Variants in IQCM observed in about 807,000 individuals in gnomAD.
The protein encoded by IQCM is IQ domain-containing protein M.
In IQCM, 45 loss-of-function variants were observed where a neutral mutation model predicts 57.6. The ratio of observed to expected loss-of-function variants is 0.78; its 90% CI spans 0.62 to 1.00. The LOEUF is 1.00. IQCM is among the 50% of genes least tolerant of loss of function. The pLI is 0.00. For missense variants in IQCM, 468 were observed against 511.6 expected (o/e 0.91, Z 0.82); for synonymous variants, 148 against 158.9 (o/e 0.93, Z 0.51).
At chr4:149,473,140 A>G (rs1040839882) in intron 12 of IQCM, among the ~76,000 whole-genome samples, 3 of 152,244 alleles carry the variant, frequency 2.0e-5, no homozygotes, top group Non-Finnish European at 2.9e-5. Context: ...AATTAAACTC[A>G]AGAGCTTCTG....
chr4:149,506,311 G>T (rs753618368), intron 12 of IQCM, among the ~76,000 whole-genome samples: 7 of 152,150 alleles, frequency 4.6e-5, no homozygotes, highest in Non-Finnish European at 8.8e-5. Flanking sequence ...TATTGCAAAA[G>T]GATTCTTTGA....
At chr4:149,367,943 C>T (rs975547492) in intron 13 of IQCM, among the ~76,000 whole-genome samples, 6 of 151,922 alleles carry the variant, frequency 3.9e-5, no homozygotes, top group Admixed American at 1.3e-4. Context: ...TTTTGTTTTG[C>T]GAATGGTTCC....
intron 2 of IQCM, among the ~76,000 whole-genome samples, chr4:149,814,122 G>T (rs1467433549): frequency 6.6e-6 from 1 of 151,992 alleles, no homozygotes; most frequent in Non-Finnish European, 1.5e-5. Flanking sequence ...ATCAGATGGA[G>T]CCTAGGTCCT....
chr4:149,389,771 T>C (rs2111078862), intron 13 of IQCM, among the ~76,000 whole-genome samples: 1 of 151,350 alleles, frequency 6.6e-6, no homozygotes, highest in East Asian at 2.0e-4. Context: ...GACGAGTTAG[T>C]GGGTGCAGCG....
At chr4:149,504,867 C>G (rs1579291361) in intron 12 of IQCM, among the ~76,000 whole-genome samples, 1 of 151,966 alleles carries the variant, frequency 6.6e-6, no homozygotes, top group African/African-American at 2.4e-5. Context: ...GAGCTGAGAT[C>G]GTGTCAAAGC....
intron 12 of IQCM, among the ~76,000 whole-genome samples, chr4:149,473,173 A>G (rs1485115409): frequency 6.6e-6 from 1 of 152,214 alleles, no homozygotes; most frequent in East Asian, 1.9e-4. Flanking sequence ...AACTACCATC[A>G]GAGTGAACAG....
intron 2 of IQCM, among the ~76,000 whole-genome samples, chr4:149,750,668 C>G (rs1229344398): frequency 6.6e-6 from 1 of 152,170 alleles, no homozygotes; most frequent in South Asian, 2.1e-4. Flanking sequence ...AAAGTACATT[C>G]TCCCAGTTAT....
At chr4:149,726,565 C>A (rs776910125) in intron 5 of IQCM, among the ~76,000 whole-genome samples, 2 of 151,938 alleles carry the variant, frequency 1.3e-5, no homozygotes, top group Non-Finnish European at 2.9e-5. Context: ...TTTTTTTCTA[C>A]CTACATTTAT....
chr4:149,797,809 T>C (rs1333188625), intron 2 of IQCM, among the ~76,000 whole-genome samples: 1 of 152,032 alleles, frequency 6.6e-6, no homozygotes, highest in Non-Finnish European at 1.5e-5. Flanking sequence ...AAAAAAACTT[T>C]TTCTCTAGAA....
intron 12 of IQCM, among the ~76,000 whole-genome samples, chr4:149,538,709 A>G (rs910412229): frequency 5.3e-5 from 8 of 152,110 alleles, no homozygotes; most frequent in African/African-American, 1.4e-4. Context: ...TCATTAAAAT[A>G]CTTGGAAAAA....
chr4:149,450,690 A>G (rs951760953), intron 12 of IQCM, among the ~76,000 whole-genome samples: 2 of 151,850 alleles, frequency 1.3e-5, no homozygotes, highest in Non-Finnish European at 2.9e-5. Context: ...AATAGCTTAT[A>G]TCCAAAAGAC....
chr4:149,586,961 T>C lies in IQCM; in HGVS notation c.749+969A>G, dbSNP rs1475365180. Among the ~76,000 whole-genome samples the C allele has an allele frequency of 2.0e-5, 3 of 151,774 alleles. No homozygotes were observed. The South Asian group carries it at 6.2e-4, about 31-fold the overall frequency. The stretch of plus-strand genomic sequence containing the variant: ...AGCTGTTACTTTAGGATGTACTTTC[T>C]TGAAGTCTTTTCTACACATGCACAA... On this transcript the variant is annotated intron_variant, in intron 9 of 13. Transcript: ENST00000636793.
At chr4:149,509,876 T>C (rs1503709) in intron 12 of IQCM, among the ~76,000 whole-genome samples, 152,168 of 152,178 alleles carry the variant, frequency 1, 76,079 homozygotes, top group Middle Eastern at 1. Flanking sequence ...TGTACTCACC[T>C]GTTTTTCATC....
At chr4:149,618,132 C>T (rs1579722070) in intron 8 of IQCM, among the ~76,000 whole-genome samples, 3 of 152,072 alleles carry the variant, frequency 2.0e-5, no homozygotes, top group Admixed American at 1.3e-4. Flanking sequence ...ATCAAAACAG[C>T]GTGACATTGG....
At chr4:149,803,108 A>G (rs1773754341) in intron 2 of IQCM, among the ~76,000 whole-genome samples, 1 of 151,888 alleles carries the variant, frequency 6.6e-6, no homozygotes, top group South Asian at 2.1e-4. Context: ...TGAGGTTTAT[A>G]CCCAAGCCTT....
intron 5 of IQCM, among the ~76,000 whole-genome samples, chr4:149,727,637 C>G (rs1325150787): frequency 1.3e-5 from 2 of 152,060 alleles, no homozygotes; most frequent in East Asian, 3.9e-4. Flanking sequence ...ACCCTTCTGC[C>G]CAGGGACAGA....
At chr4:149,650,404 G>GTTTTT (rs35846638) in intron 7 of IQCM, among the ~76,000 whole-genome samples, 2 of 132,576 alleles carry the variant, frequency 1.5e-5, no homozygotes, top group African/African-American at 2.8e-5. Context: ...TAATTTCTGG[G>GTTTTT]TTTTTTTTTT....
At chr4:149,447,242 G>A (rs1475039925) in intron 12 of IQCM, among the ~76,000 whole-genome samples, 2 of 151,450 alleles carry the variant, frequency 1.3e-5, no homozygotes, top group Non-Finnish European at 3.0e-5. Flanking sequence ...GACACAAACA[G>A]CAAATACCAG....
chr4:149,488,628 G>A (rs1052288795), intron 12 of IQCM, among the ~76,000 whole-genome samples: 3 of 152,068 alleles, frequency 2.0e-5, no homozygotes, highest in Non-Finnish European at 4.4e-5. Flanking sequence ...TAAAAACAGC[G>A]ACAACTTTCT....
Sources: gnomAD v4.1 joint callset for allele counts (sites outside exome capture counted in the v4.1 genomes callset) on GRCh38, gnomAD v4.1.1 for gene constraint, MANE v1.5 for transcripts, NCBI Gene and HGNC (gene_info 2026-07-23, HGNC 2026-07-21) for gene names.